The following MKX variants were observed in gnomAD, a reference collection of about 807,000 sequenced individuals.
The protein encoded by MKX is mohawk homeobox.
Under a neutral mutation model 36.0 loss-of-function variants are expected in MKX, and 13 were observed. That is an observed-to-expected ratio of 0.36 (90% CI 0.24 to 0.57). The LOEUF is 0.57. Among genes scored for constraint, MKX ranks in the 20% least tolerant of loss-of-function variants. The probability of loss-of-function intolerance (pLI) is 0.79; values close to 1 mark genes in which losing one functional copy is unlikely to be tolerated. For synonymous variants in MKX, 176 were observed against 178.3 expected, an observed-to-expected ratio of 0.99 and a Z score of 0.10; for missense variants, 458 against 456.4, an observed-to-expected ratio of 1.00 and a Z score of -0.03.
At chr10:27,743,206 G>T (rs1460660546) in intron 2 of MKX, 22 bp downstream of exon 2, 3 of 1,441,446 alleles carry the variant, frequency 2.1e-6, no homozygotes, top group Admixed American at 3.0e-5. Flanking sequence ...GGCGGGCAGG[G>T]CCCCCAGGGG....
chr10:27,744,395 G>A lies in MKX; in HGVS notation c.-82-898C>T, dbSNP rs11006700. On this transcript the variant is annotated intron_variant, in intron 1 of 6. Transcript: ENST00000419761. The surrounding 1 kb of genome is among the most constrained non-coding windows in gnomAD (Gnocchi z 5.6). ...GTAAAGGTGTCAGAAGCCCAAGGCA[G>A]GAGGCAGCTTGGTCGGCGCACCTCC... Among the ~76,000 whole-genome samples the A allele has an allele frequency of 0.016, 2,403 of 152,212 alleles. 159 individuals are homozygous for A. In the East Asian group the frequency reaches 0.19, roughly 12 times the overall value.
At chr10:27,700,777 T>C (rs1411246655) in intron 5 of MKX, among the ~76,000 whole-genome samples, 1 of 152,182 alleles carries the variant, frequency 6.6e-6, no homozygotes, top group African/African-American at 2.4e-5. Flanking sequence ...AGGTGGTTTG[T>C]GTCCTCTGAA....
chr10:27,720,799 G>C (rs974453217), intron 5 of MKX, among the ~76,000 whole-genome samples: 2 of 152,108 alleles, frequency 1.3e-5, no homozygotes, highest in African/African-American at 4.8e-5. Context: ...TAAATGGAGA[G>C]AGGAAGGAAG....
chr10:27,737,383 C>G (rs550438786), intron 3 of MKX, among the ~76,000 whole-genome samples: 9 of 152,240 alleles, frequency 5.9e-5, no homozygotes, highest in African/African-American at 2.2e-4. Flanking sequence ...TCTTCAAATC[C>G]TCATAAATGT....
At chr10:27,716,377 C>A (rs1202321836) in intron 5 of MKX, among the ~76,000 whole-genome samples, 2 of 141,502 alleles carry the variant, frequency 1.4e-5, no homozygotes, top group Non-Finnish European at 3.0e-5. Context: ...CAGTCATGAT[C>A]ATGCCACTGC....
chr10:27,738,015 A>G (rs1414732661), intron 3 of MKX, among the ~76,000 whole-genome samples: 1 of 152,086 alleles, frequency 6.6e-6, no homozygotes, highest in African/African-American at 2.4e-5. Flanking sequence ...CATGTATAGG[A>G]GTCATATCTC....
At chr10:27,680,383 A>AAAAG (rs1554768913) in intron 5 of MKX, among the ~76,000 whole-genome samples, 9 of 143,110 alleles carry the variant, frequency 6.3e-5, no homozygotes, top group African/African-American at 1.8e-4. Flanking sequence ...AAAAAAAAAA[A>AAAAG]AGGTGTGTAG....
intron 5 of MKX, among the ~76,000 whole-genome samples, chr10:27,711,508 TTC>T (rs1564357144): frequency 0.021 from 680 of 32,142 alleles, 23 homozygotes; most frequent in Middle Eastern, 0.058. Context: ...CTTTCCTTCC[TTC>T]CTTCCTTCCT....
At chr10:27,728,722 A>G (rs1272712846) in intron 5 of MKX, among the ~76,000 whole-genome samples, 2 of 152,244 alleles carry the variant, frequency 1.3e-5, no homozygotes, top group East Asian at 3.8e-4. Context: ...ACTCATGAGC[A>G]TATCTAGATT....
chr10:27,699,951 T>C (rs1157858216), intron 5 of MKX, among the ~76,000 whole-genome samples: 1 of 152,232 alleles, frequency 6.6e-6, no homozygotes, highest in Non-Finnish European at 1.5e-5. Flanking sequence ...CTGTGTTTAC[T>C]TAGACTTAAC....
chr10:27,743,539 T>C (rs766177117), intron 1 of MKX, 42 bp from the exon 2 acceptor site: 2 of 1,062,730 alleles, frequency 1.9e-6, no homozygotes, highest in East Asian at 3.2e-5. Context: ...TGGCTGAGAG[T>C]GCTCAGACCC....
chr10:27,711,439 CTT>C (rs1276593819), intron 5 of MKX, among the ~76,000 whole-genome samples: 1 of 36,196 alleles, frequency 2.8e-5, no homozygotes, highest in South Asian at 8.7e-4. Flanking sequence ...CTCTTTCTTT[CTT>C]TCTTTCTTTC....
chr10:27,739,474 T>C (rs1834847343), intron 3 of MKX, among the ~76,000 whole-genome samples: 4 of 152,110 alleles, frequency 2.6e-5, no homozygotes, highest in African/African-American at 9.6e-5. Context: ...AAAAGTGTTT[T>C]GAATGAAAAT....
chr10:27,729,052 G>T (rs1185465814), intron 5 of MKX, among the ~76,000 whole-genome samples: 1 of 152,048 alleles, frequency 6.6e-6, no homozygotes, highest in East Asian at 1.9e-4. Context: ...TTCTTCCCAG[G>T]GATATTCACC....
intron 5 of MKX, among the ~76,000 whole-genome samples, chr10:27,680,948 G>A (rs1045676353): frequency 1.3e-5 from 2 of 152,176 alleles, no homozygotes; most frequent in Non-Finnish European, 2.9e-5. Context: ...TTATTTGAGT[G>A]GGAAGAGGAA....
intron 5 of MKX, among the ~76,000 whole-genome samples, chr10:27,680,019 G>C (rs1331200053): frequency 3.9e-5 from 6 of 152,100 alleles, no homozygotes; most frequent in African/African-American, 1.4e-4. Context: ...TCGAGAAGTG[G>C]CACCTAGTAG....
At chr10:27,697,639 CTT>C (rs1275276869) in intron 5 of MKX, among the ~76,000 whole-genome samples, 2 of 152,200 alleles carry the variant, frequency 1.3e-5, no homozygotes, top group African/African-American at 4.8e-5. Flanking sequence ...TCCATGTTGT[CTT>C]TGTTTACTTA....
intron 5 of MKX, among the ~76,000 whole-genome samples, chr10:27,698,294 A>G (rs919108993): frequency 6.6e-6 from 1 of 152,160 alleles, no homozygotes; most frequent in African/African-American, 2.4e-5. Flanking sequence ...GGAGTCACTC[A>G]CTAATATTGA....
At chr10:27,729,980 G>T (rs1371338929) in intron 5 of MKX, among the ~76,000 whole-genome samples, 2 of 151,936 alleles carry the variant, frequency 1.3e-5, no homozygotes, top group Non-Finnish European at 2.9e-5. Context: ...CCACCTGGGG[G>T]CTAGAGGCTT....
Sources: allele counts gnomAD v4.1 joint callset (sites outside exome capture counted in the v4.1 genomes callset), GRCh38; gene constraint gnomAD v4.1.1; non-coding constraint Gnocchi (gnomAD v3.1); transcripts MANE v1.5; gene names NCBI Gene and HGNC (gene_info 2026-07-23, HGNC 2026-07-21).